PIKFYVE: variants seen among roughly 807,000 people sequenced by gnomAD.
PIKFYVE encodes the protein phosphoinositide kinase, FYVE-type zinc finger containing, also known as 1-phosphatidylinositol 3-phosphate 5-kinase.
In PIKFYVE, 122 loss-of-function variants were observed where a neutral mutation model predicts 257.9. The observed-to-expected ratio is 0.47, with a 90% confidence interval of 0.41 to 0.55. The LOEUF is 0.55. Ranked by LOEUF, PIKFYVE falls within the 20% of genes least tolerant of loss-of-function variation. The pLI is 0.00. For missense variants in PIKFYVE, 2,160 were observed against 2,536.6 expected (o/e 0.85, Z 3.19); for synonymous variants, 892 against 868.9 (o/e 1.03, Z -0.47).
chr2:208,349,631 A>T (rs1246978705), intron 35 of PIKFYVE, among the ~76,000 whole-genome samples: 4 of 151,632 alleles, frequency 2.6e-5, no homozygotes, highest in African/African-American at 9.7e-5. Context: ...TATATAGCTT[A>T]GTACATGATA....
rs771307218 is a variant in PIKFYVE, at chr2:208,335,933, GTTAA to G, written c.4365+36_4365+39del. 2.5e-6 allele frequency: 4 copies of G among 1,583,778 alleles called. No homozygotes were observed. The South Asian group carries it at 4.5e-5, about 18-fold the overall frequency. ...TATTTCTTTGGTAGAAAATTCAAAA[GTTAA>G]TTATTGATTAAAAATTATTGATTAA... On this transcript the variant is annotated intron_variant, in intron 26 of 41. Transcript: ENST00000264380.
At chr2:208,309,757 G>C (rs1183883542) in intron 12 of PIKFYVE, among the ~76,000 whole-genome samples, 2 of 152,210 alleles carry the variant, frequency 1.3e-5, no homozygotes, top group Non-Finnish European at 2.9e-5. Flanking sequence ...GGTTGTGTCT[G>C]AATGTCCACC....
At chr2:208,290,863 C>G (rs529829513) in intron 7 of PIKFYVE, among the ~76,000 whole-genome samples, 1 of 152,088 alleles carries the variant, frequency 6.6e-6, no homozygotes, top group Non-Finnish European at 1.5e-5. Context: ...AATCTTGTAT[C>G]CTGCCACCTT....
rs545428379 is a variant in PIKFYVE at position 208,301,848 on chromosome 2, T to C, written c.1209-394T>C. 1.2e-4 allele frequency among the ~76,000 whole-genome samples: 19 copies of C among 152,152 alleles called. No individual in the cohort carries two copies. The South Asian group carries it at 1.5e-3, about 12-fold the overall frequency. ...TAAGTGTCTATTTCATATATATATA[T>C]ACACACACACACATTTTATGGCTGT... On this transcript the variant is annotated intron_variant, in intron 9 of 41. Coordinates refer to ENST00000264380, the MANE Select transcript of PIKFYVE (RefSeq NM_015040.4).
At chr2:208,286,323 G>T (rs1176457852) in intron 6 of PIKFYVE, among the ~76,000 whole-genome samples, 2 of 152,162 alleles carry the variant, frequency 1.3e-5, no homozygotes, top group Non-Finnish European at 2.9e-5. Flanking sequence ...GAAGAAGAAT[G>T]CCTGTACAAT....
rs1265056669 is a variant in PIKFYVE at position 208,356,119 on chromosome 2, T to G, written c.*814T>G. ...TCATAGTAAATCATTAGTAAATGAG[T>G]CTGTAGTTACTAAACCCTAATGGAA... On this transcript the variant is annotated 3_prime_UTR_variant, in exon 42 of 42. Transcript: ENST00000264380. 6.6e-6 allele frequency: 1 copy of G among 152,206 alleles called. No homozygotes were observed. Among genetic ancestry groups the G allele is most frequent in the Non-Finnish European group, 1.5e-5 (1 of 68,050 alleles). The allele number at this position is 152,206 out of a possible 1,614,324, so 9.4% of individuals were successfully genotyped here.
chr2:208,347,941 C>T lies in PIKFYVE; in HGVS notation c.5292C>T (p.Thr1764=). ...ATCTCTCTTCCCAGAAGAGAGAGAC[C>T]TTACGTGGAGCAGATAGTGCTTACT... is the stretch of plus-strand genomic sequence containing the variant. ...SPDLSSQKRE[T]LRGADSAYYQ... is the part of the protein sequence containing the mutation. Residue 1764 remains threonine (T), a synonymous_variant, in exon 35 of 42, where the codon ACC becomes ACT. Transcript: ENST00000264380. The T allele has an allele frequency of 6.2e-7, 1 of 1,613,892 alleles. No individual in the cohort carries two copies. Among genetic ancestry groups the T allele is most frequent in the South Asian group, 1.1e-5 (1 of 91,072 alleles).
chr2:208,322,374 T>A (rs1162609233), intron 17 of PIKFYVE, among the ~76,000 whole-genome samples: 1 of 97,808 alleles, frequency 1.0e-5, no homozygotes, highest in Non-Finnish European at 1.9e-5. Flanking sequence ...CCCTGTCTCT[T>A]AAAAAAAAAA....
At chr2:208,302,966 C>T (rs1389596533) in intron 10 of PIKFYVE, among the ~76,000 whole-genome samples, 1 of 151,998 alleles carries the variant, frequency 6.6e-6, no homozygotes, top group Non-Finnish European at 1.5e-5. Flanking sequence ...CCTGTGGTTC[C>T]AGCTACTTGG....
chr2:208,314,074 T>A (rs1187972638), intron 13 of PIKFYVE, among the ~76,000 whole-genome samples: 1 of 152,252 alleles, frequency 6.6e-6, no homozygotes, highest in East Asian at 1.9e-4. Flanking sequence ...TCTTCTTAAT[T>A]CTTGCATTTC....
intron 13 of PIKFYVE, among the ~76,000 whole-genome samples, chr2:208,313,322 A>T (rs1028083600): frequency 4.6e-5 from 7 of 152,188 alleles, no homozygotes; most frequent in Non-Finnish European, 1.0e-4. Flanking sequence ...GATTTTACAC[A>T]AATTCTACAT....
chr2:208,276,211 T>A (rs1240395455), intron 3 of PIKFYVE, among the ~76,000 whole-genome samples: 2 of 152,240 alleles, frequency 1.3e-5, no homozygotes, highest in East Asian at 3.8e-4. Flanking sequence ...GCTATTAAAC[T>A]TCTTTCTGAT....
rs375121394 is a variant in PIKFYVE at position 208,328,297 on chromosome 2, C to T, written c.3719+17C>T. 21 of 1,613,130 alleles carry T rather than the reference C, an allele frequency of 1.3e-5. No individual in the cohort carries two copies. The highest frequency in any genetic ancestry group is 1.5e-5 in the Non-Finnish European group (18 of 1,179,596). On this transcript the variant is annotated intron_variant, in intron 21 of 41. Coordinates refer to ENST00000264380, the MANE Select transcript of PIKFYVE (RefSeq NM_015040.4). ...CAGTCCTTGGTAGGATTCTTTTCCC[C>T]CTACACTATTCCACATAAGAACAGA...
At chr2:208,330,408 C>A (rs1398370182) in intron 22 of PIKFYVE, 115 bp from the exon 23 acceptor site, 2 of 1,221,736 alleles carry the variant, frequency 1.6e-6, no homozygotes, top group Non-Finnish European at 1.2e-6. Context: ...CAGCTGCAGG[C>A]TCAGAGCAGC....
intron 12 of PIKFYVE, among the ~76,000 whole-genome samples, chr2:208,307,329 C>T (rs967581747): frequency 1.3e-5 from 2 of 152,106 alleles, no homozygotes; most frequent in African/African-American, 4.8e-5. Flanking sequence ...CTTCTTTTTC[C>T]TCCCCGCTCT....
chr2:208,333,470 T>C lies in PIKFYVE; in HGVS notation c.4119T>C (p.Tyr1373=), dbSNP rs1349603406. Residue 1373 remains tyrosine, a synonymous_variant, in exon 24 of 42, where the codon TAT becomes TAC. Coordinates refer to ENST00000264380, the MANE Select transcript of PIKFYVE (RefSeq NM_015040.4). Reference sequence around the variant, plus strand: ...ATGATTATCACCAGTATTTCTCCTATAACCAGATGGTGGCGTCTTTCAGGT... The same window carrying C: ...ATGATTATCACCAGTATTTCTCCTACAACCAGATGGTGGCGTCTTTCAGGT... ...IHHDYHQYFS[Y]NQMVASFSYS... 12 of 1,613,950 alleles carry C rather than the reference T, an allele frequency of 7.4e-6. No homozygotes were observed. Among genetic ancestry groups the C allele is most frequent in the Non-Finnish European group, 5.9e-6 (7 of 1,180,012 alleles).
chr2:208,312,780 C>T (rs202164367), intron 13 of PIKFYVE, among the ~76,000 whole-genome samples: 10 of 36,670 alleles, frequency 2.7e-4, no homozygotes, highest in African/African-American at 6.3e-4. Context: ...GGAGATTAGC[C>T]TTCTCCTATT....
intron 27 of PIKFYVE, among the ~76,000 whole-genome samples, chr2:208,336,607 C>A (rs74360771): frequency 0.029 from 4,400 of 151,514 alleles, 203 homozygotes; most frequent in African/African-American, 0.1. Flanking sequence ...AAGTATTTTT[C>A]TTTATAATAA....
intron 1 of PIKFYVE, among the ~76,000 whole-genome samples, chr2:208,266,704 C>T (rs985559773): frequency 1.3e-5 from 2 of 152,238 alleles, no homozygotes; most frequent in Admixed American, 6.5e-5. Context: ...TCTCTCGACC[C>T]TTACGCCTGA....
Sources: allele counts gnomAD v4.1 joint callset (sites outside exome capture counted in the v4.1 genomes callset), GRCh38; gene constraint gnomAD v4.1.1; transcripts MANE v1.5; gene names NCBI Gene and HGNC (gene_info 2026-07-23, HGNC 2026-07-21).